The following KIAA1328 variants were observed in gnomAD, a reference collection of about 807,000 sequenced individuals.
The protein encoded by KIAA1328 is KIAA1328.
KIAA1328 carries 52 observed loss-of-function variants against 68.1 expected under a neutral mutation model. The observed-to-expected ratio is 0.76, with a 90% CI of 0.61 to 0.96. The LOEUF is 0.96. Ranked by LOEUF, KIAA1328 falls within the 40% of genes least tolerant of loss-of-function variation. The pLI is 0.00. For missense variants in KIAA1328, 641 were observed against 677.6 expected, an observed-to-expected ratio of 0.95 and a Z score of 0.60; for synonymous variants, 232 against 239.4, an observed-to-expected ratio of 0.97 and a Z score of 0.28.
chr18:37,034,148 A>G (rs554785416), intron 6 of KIAA1328, among the ~76,000 whole-genome samples: 6 of 152,298 alleles, frequency 3.9e-5, no homozygotes, highest in Admixed American at 1.3e-4. Flanking sequence ...CAAAGGCTTT[A>G]TGGAGAGGAA....
chr18:36,829,309 A>G, intron 1 of KIAA1328, 113 bp downstream of exon 1: 1 of 1,410,054 alleles, frequency 7.1e-7, no homozygotes, highest in East Asian at 2.9e-5. Flanking sequence ...AACCCCGGGG[A>G]TGGGGACGTG....
chr18:36,976,503 T>C (rs2052478394), intron 6 of KIAA1328, among the ~76,000 whole-genome samples: 1 of 152,254 alleles, frequency 6.6e-6, no homozygotes, highest in Non-Finnish European at 1.5e-5. Context: ...AATCTCAAAG[T>C]AGATCCATGT....
At chr18:37,145,907 A>G (rs2058887764) in intron 7 of KIAA1328, among the ~76,000 whole-genome samples, 2 of 152,214 alleles carry the variant, frequency 1.3e-5, no homozygotes, top group South Asian at 2.1e-4. Flanking sequence ...TAGTCTGACA[A>G]TCTATTCCAT....
At chr18:37,188,617 C>T (rs549906881) in intron 9 of KIAA1328, among the ~76,000 whole-genome samples, 22 of 152,272 alleles carry the variant, frequency 1.4e-4, no homozygotes, top group Middle Eastern at 6.8e-3. Context: ...CCTGCTTCAG[C>T]GCTGCTAGAG....
chr18:36,875,056 C>T (rs551554155), intron 4 of KIAA1328, among the ~76,000 whole-genome samples: 2 of 152,272 alleles, frequency 1.3e-5, no homozygotes, highest in African/African-American at 2.4e-5. Context: ...CAGTACCATG[C>T]TGTTTTGGTT....
intron 7 of KIAA1328, among the ~76,000 whole-genome samples, chr18:37,126,511 A>C (rs1295412602): frequency 6.6e-6 from 1 of 152,186 alleles, no homozygotes; most frequent in African/African-American, 2.4e-5. Flanking sequence ...TAGGTCCCAG[A>C]TGGCGTTACT....
Position 37,053,900 on chromosome 18 carries a change from A to G in KIAA1328, c.577-12990A>G, listed in dbSNP as rs192601811. ...ATGTCAAATAGAATACAGAATTTGCAAAGTATGCATCTGACAAAGGTCTGG... is the reference window on the plus strand; with the variant it reads ...ATGTCAAATAGAATACAGAATTTGCGAAGTATGCATCTGACAAAGGTCTGG... On this transcript the variant is annotated intron_variant, in intron 6 of 9. Transcript: ENST00000280020. Among the ~76,000 whole-genome samples, 112 of 152,210 alleles carry G rather than the reference A, an allele frequency of 7.4e-4. 1 individual carries two copies. The highest frequency in any genetic ancestry group is 4.4e-3 in the East Asian group (23 of 5,174).
intron 7 of KIAA1328, among the ~76,000 whole-genome samples, chr18:37,094,928 A>C (rs748079730): frequency 2.7e-5 from 4 of 150,298 alleles, no homozygotes; most frequent in Admixed American, 6.6e-5. Context: ...AGTTATAGTT[A>C]TATTGGACAA....
intron 7 of KIAA1328, among the ~76,000 whole-genome samples, chr18:37,124,744 G>A (rs1400052224): frequency 6.6e-6 from 1 of 151,984 alleles, no homozygotes; most frequent in African/African-American, 2.4e-5. Flanking sequence ...TAACCACAGT[G>A]GTCCTTCAGT....
chr18:36,846,899 A>G (rs1402645149), intron 4 of KIAA1328, among the ~76,000 whole-genome samples: 1 of 151,096 alleles, frequency 6.6e-6, no homozygotes, highest in Non-Finnish European at 1.5e-5. Context: ...TTTTTTTATC[A>G]CAAACTGAAA....
chr18:37,140,402 T>C (rs2058741932), intron 7 of KIAA1328, among the ~76,000 whole-genome samples: 1 of 152,138 alleles, frequency 6.6e-6, no homozygotes, highest in Admixed American at 6.5e-5. Flanking sequence ...ATACATATGG[T>C]ATTCAATTGG....
At chr18:36,869,328 C>G (rs1197248384) in intron 4 of KIAA1328, among the ~76,000 whole-genome samples, 2 of 152,232 alleles carry the variant, frequency 1.3e-5, no homozygotes, top group East Asian at 3.9e-4. Flanking sequence ...TGGTTCTAAC[C>G]AGACCCTACC....
chr18:36,852,580 C>T (rs1424408686), intron 4 of KIAA1328, among the ~76,000 whole-genome samples: 3 of 152,160 alleles, frequency 2.0e-5, no homozygotes, highest in African/African-American at 7.2e-5. Flanking sequence ...ACCTCCTCCT[C>T]CCTGCTGTTG....
At chr18:36,884,587 A>C (rs1488638638) in intron 4 of KIAA1328, among the ~76,000 whole-genome samples, 1 of 152,214 alleles carries the variant, frequency 6.6e-6, no homozygotes, top group Non-Finnish European at 1.5e-5. Context: ...TTACGCAGAA[A>C]TTGCTCTAGT....
chr18:36,923,052 C>T (rs2049986159), intron 5 of KIAA1328, among the ~76,000 whole-genome samples: 1 of 151,980 alleles, frequency 6.6e-6, no homozygotes, highest in African/African-American at 2.4e-5. Context: ...TTACTTTTCA[C>T]TTCTTGACTT....
At chr18:36,914,322 G>A (rs536967068) in intron 5 of KIAA1328, among the ~76,000 whole-genome samples, 1 of 152,252 alleles carries the variant, frequency 6.6e-6, no homozygotes, top group South Asian at 2.1e-4. Context: ...TGGGAGAAGA[G>A]GATTAGGTAT....
rs143377119 is a variant in KIAA1328 at position 36,858,810 on chromosome 18, G to A, written c.332+14508G>A. 2.8e-3 allele frequency among the ~76,000 whole-genome samples: 429 copies of A among 152,294 alleles called. 3 individuals are homozygous for A. Among genetic ancestry groups the A allele is most frequent in the African/African-American group, 9.9e-3 (410 of 41,560 alleles). On this transcript the variant is annotated intron_variant, in intron 4 of 9. Coordinates refer to ENST00000280020, the MANE Select transcript of KIAA1328 (RefSeq NM_020776.3). ...AAGTGCCCTTTCCATCACACATGAT[G>A]CATCATCAGCATATGATACCAGCAT...
rs575524712 is a variant in KIAA1328 at position 36,995,131 on chromosome 18, C to T, written c.576+35696C>T. 3.9e-5 allele frequency among the ~76,000 whole-genome samples: 6 copies of T among 152,090 alleles called. No individual in the cohort carries two copies. In the South Asian group the frequency reaches 6.3e-4, roughly 16 times the overall value. ...TAGCCTCCCACCCGCTGACAGGCCC[C>T]GGTGTGTGATGTTCCCCTCCCTGTG... On this transcript the variant is annotated intron_variant, in intron 6 of 9. Transcript: ENST00000280020.
At chr18:36,948,296 T>G (rs1201784541) in intron 5 of KIAA1328, among the ~76,000 whole-genome samples, 1 of 141,858 alleles carries the variant, frequency 7.0e-6, no homozygotes, top group African/African-American at 2.6e-5. Context: ...AGAGTCTTAC[T>G]CTGTCTCCAG....
Sources: gnomAD v4.1 joint callset for allele counts (sites outside exome capture counted in the v4.1 genomes callset) on GRCh38, gnomAD v4.1.1 for gene constraint, MANE v1.5 for transcripts, NCBI Gene and HGNC (gene_info 2026-07-23, HGNC 2026-07-21) for gene names.